Variants in GRAMD1B observed in about 807,000 individuals in gnomAD.
GRAMD1B encodes the protein GRAM domain containing 1B, also known as protein Aster-B.
GRAMD1B carries 37 observed loss-of-function variants against 99.7 expected under a neutral mutation model. The observed-to-expected ratio is 0.37, with a 90% confidence interval of 0.29 to 0.49. GRAMD1B has a LOEUF of 0.49. GRAMD1B is among the 20% of genes least tolerant of loss of function. The pLI is 0.98. For missense variants in GRAMD1B, 888 were observed against 1,009.2 expected, an observed-to-expected ratio of 0.88 and a Z score of 1.63; for synonymous variants, 427 against 387.6, an observed-to-expected ratio of 1.10 and a Z score of -1.19.
chr11:123,496,040 A>G (rs1319773271), intron 2 of GRAMD1B, among the ~76,000 whole-genome samples: 1 of 152,140 alleles, frequency 6.6e-6, no homozygotes, highest in Admixed American at 6.5e-5. Context: ...TCTGTGTACT[A>G]TTACATGTGA....
chr11:123,614,752 A>G lies in GRAMD1B; in HGVS notation c.2235A>G (p.Thr745=), dbSNP rs1328425764. 1.2e-6 allele frequency: 2 copies of G among 1,608,558 alleles called. No homozygotes were observed. Among genetic ancestry groups the G allele is most frequent in the South Asian group, 1.1e-5 (1 of 90,874 alleles). ...GHRIKHVAGS[T]QTRHIPEDTP... is the part of the protein sequence containing the mutation. ...CTTTAATTCTCCCCACAGGTTCCACACAGACGCGGCATATCCCGGAGGACA... is the reference window on the plus strand; with the variant it reads ...CTTTAATTCTCCCCACAGGTTCCACGCAGACGCGGCATATCCCGGAGGACA... Residue 745 remains threonine, a synonymous_variant, in exon 17 of 20, where the codon ACA becomes ACG. Coordinates refer to ENST00000635736, the MANE Select transcript of GRAMD1B (RefSeq NM_001387025.1).
rs562035724 is a variant in GRAMD1B at position 123,496,169 on chromosome 11, T to C, written c.452+15276T>C. 5.3e-5 allele frequency among the ~76,000 whole-genome samples: 8 copies of C among 152,326 alleles called. No individual in the cohort carries two copies. In the South Asian group the frequency reaches 1.5e-3, roughly 28 times the overall value. ...GGAGTTGATGAAATCCCTCAGCTTTTGTTTGTCTGGGAAGGTCTTTATTTC... is the reference window on the plus strand; with the variant it reads ...GGAGTTGATGAAATCCCTCAGCTTTCGTTTGTCTGGGAAGGTCTTTATTTC... On this transcript the variant is annotated intron_variant, in intron 2 of 19. Coordinates refer to ENST00000635736, the MANE Select transcript of GRAMD1B (RefSeq NM_001387025.1).
chr11:123,555,302 G>T (rs935069624), intron 2 of GRAMD1B, among the ~76,000 whole-genome samples: 3 of 152,150 alleles, frequency 2.0e-5, no homozygotes, highest in Admixed American at 1.3e-4. Flanking sequence ...TTGCCTTGTA[G>T]ATGTTTATTT....
rs114068472 is a variant in GRAMD1B, at chr11:123,448,775, C to T, written c.374+17609C>T. On this transcript the variant is annotated intron_variant, in intron 1 of 19. Coordinates refer to ENST00000635736, the MANE Select transcript of GRAMD1B (RefSeq NM_001387025.1). The stretch of plus-strand genomic sequence containing the variant: ...TGGGGCTTGGTACTTTTTGTTTTCA[C>T]GAGGCTTCTCTCCCTCCAAGCAAAT... Among the ~76,000 whole-genome samples, 343 of 152,294 alleles carry T rather than the reference C, an allele frequency of 2.3e-3. 2 individuals carry two copies. Among genetic ancestry groups the T allele is most frequent in the African/African-American group, 7.5e-3 (312 of 41,566 alleles).
chr11:123,430,544 CCCGGGTGGCCTCG>C lies in GRAMD1B; in HGVS notation c.-244_-232del, dbSNP rs1184217452. The C allele has an allele frequency of 2.2e-6, 1 of 449,212 alleles. No homozygotes were observed. Among genetic ancestry groups the C allele is most frequent in the African/African-American group, 2.1e-5 (1 of 48,628 alleles). The allele number at this position is 449,212 out of a possible 1,614,324, so 27.8% of individuals were successfully genotyped here. On this transcript the variant is annotated 5_prime_UTR_variant, in exon 1 of 20. Coordinates refer to ENST00000635736, the MANE Select transcript of GRAMD1B (RefSeq NM_001387025.1). ...TGGCTGGCAGGCGGCTCCCGCCCCTCCCGGGTGGCCTCGCCGGCGGCTGACGGCCCGGAGGACG... is the reference window on the plus strand; with the variant it reads ...TGGCTGGCAGGCGGCTCCCGCCCCTCCCGGCGGCTGACGGCCCGGAGGACG...
At chr11:123,589,980 C>T (rs1043658078) in intron 4 of GRAMD1B, among the ~76,000 whole-genome samples, 2 of 152,156 alleles carry the variant, frequency 1.3e-5, no homozygotes, top group Admixed American at 1.3e-4. Context: ...CACATCTTCC[C>T]CACCCCACTG....
At chr11:123,466,943 T>C (rs1031816358) in intron 1 of GRAMD1B, among the ~76,000 whole-genome samples, 2 of 152,208 alleles carry the variant, frequency 1.3e-5, no homozygotes, top group African/African-American at 4.8e-5. Context: ...CTCCTTTACC[T>C]AAGAGCAAGT....
At chr11:123,474,742 GA>G (rs1209249298) in intron 1 of GRAMD1B, among the ~76,000 whole-genome samples, 1 of 119,502 alleles carries the variant, frequency 8.4e-6, no homozygotes, top group African/African-American at 3.2e-5. Flanking sequence ...AAGACACAAA[GA>G]CATCTATAAC....
chr11:123,581,427 C>T (rs1949343148), intron 3 of GRAMD1B, among the ~76,000 whole-genome samples: 1 of 152,244 alleles, frequency 6.6e-6, no homozygotes, highest in Non-Finnish European at 1.5e-5. Flanking sequence ...GACTTCCCTG[C>T]CCCTGTGGGT....
chr11:123,550,329 T>A (rs920082161), intron 2 of GRAMD1B, among the ~76,000 whole-genome samples: 1 of 151,906 alleles, frequency 6.6e-6, no homozygotes, highest in Non-Finnish European at 1.5e-5. Context: ...TGCCTTGACT[T>A]CTTTGGTTTC....
chr11:123,498,327 A>T, intron 2 of GRAMD1B, among the ~76,000 whole-genome samples: 1 of 152,172 alleles, frequency 6.6e-6, no homozygotes, highest in East Asian at 1.9e-4. Context: ...TAGCCACCAC[A>T]GCTGGGTTCA....
intron 1 of GRAMD1B, among the ~76,000 whole-genome samples, chr11:123,471,989 T>C (rs754400718): frequency 6.6e-6 from 1 of 152,136 alleles, no homozygotes; most frequent in Non-Finnish European, 1.5e-5. Flanking sequence ...AAACTAACGC[T>C]GGGTGTGGTG....
At position 123,623,439 on chromosome 11, in the gene GRAMD1B, G is replaced by A. The variant is rs1293838708; in HGVS notation, c.*844G>A. 1 of 152,174 alleles carries A rather than the reference G, an allele frequency of 6.6e-6. No individual in the cohort carries two copies. Among genetic ancestry groups the A allele is most frequent in the Non-Finnish European group, 1.5e-5 (1 of 68,054 alleles). 9.4% of individuals were successfully genotyped at this position (152,174 alleles called of 1,614,324 possible). A position where few individuals can be genotyped will look rare whatever the true frequency, so the allele number is the denominator to read the frequency against. ...AGCACATTGTTTATTAGCCAGGGTG[G>A]AGCGTTTTCGACCTTATTAAACCTC... On this transcript the variant is annotated 3_prime_UTR_variant, in exon 20 of 20. Transcript: ENST00000635736.
intron 8 of GRAMD1B, 40 bp from the exon 9 acceptor site, chr11:123,603,386 T>G (rs1952241965): frequency 1.6e-6 from 2 of 1,273,470 alleles, no homozygotes; most frequent in East Asian, 2.3e-5. Context: ...TCGGGGGACC[T>G]GAGGGAGCAA....
Position 123,608,776 on chromosome 11 carries a change from A to G in GRAMD1B, c.1631A>G (p.Asp544Gly), listed in dbSNP as rs1953101439. Residue 544 changes from aspartate (D) to glycine (G), a missense_variant, in exon 12 of 20, where the codon GAT (aspartate) becomes GGT (glycine). Around this residue, in one of 5 missense-constraint regions of GRAMD1B, gnomAD observed 269 missense variants for 296.6 expected, o/e 0.91. Coordinates refer to ENST00000635736, the MANE Select transcript of GRAMD1B (RefSeq NM_001387025.1). ...LLFTNSPFQR[D>G]FMEQRRFSDI... ...TTCACCAACTCGCCCTTCCAGCGGGATTTCATGGAGCAGCGGCGCTTCTCT... is the reference window on the plus strand; with the variant it reads ...TTCACCAACTCGCCCTTCCAGCGGGGTTTCATGGAGCAGCGGCGCTTCTCT... 2 of 1,551,140 alleles carry G rather than the reference A, an allele frequency of 1.3e-6. No individual in the cohort carries two copies. Among genetic ancestry groups the G allele is most frequent in the African/African-American group, 1.4e-5 (1 of 72,956 alleles).
At chr11:123,361,832 G>C (rs895477938) in intron 1 of GRAMD1B, among the ~76,000 whole-genome samples, 33 of 152,172 alleles carry the variant, frequency 2.2e-4, no homozygotes, top group African/African-American at 8.0e-4. Flanking sequence ...TAACAGGCAG[G>C]AGGAGTGGCA....
chr11:123,614,286 C>G (rs1348445239), intron 16 of GRAMD1B, among the ~76,000 whole-genome samples: 3 of 152,068 alleles, frequency 2.0e-5, no homozygotes, highest in Non-Finnish European at 4.4e-5. Flanking sequence ...TAGCTTTACC[C>G]CTAGCACTTC....
chr11:123,522,885 A>G (rs951956854), intron 2 of GRAMD1B, among the ~76,000 whole-genome samples: 2 of 152,212 alleles, frequency 1.3e-5, no homozygotes, highest in Admixed American at 1.3e-4. Context: ...TCTTGGGAAC[A>G]TGTAAGCTTT....
chr11:123,577,157 C>G (rs1948799446), intron 2 of GRAMD1B, among the ~76,000 whole-genome samples: 1 of 152,374 alleles, frequency 6.6e-6, no homozygotes, highest in African/African-American at 2.4e-5. Flanking sequence ...TCTGTGTCCA[C>G]ATGGGCACTG....
Sources: allele counts gnomAD v4.1 joint callset (sites outside exome capture counted in the v4.1 genomes callset), GRCh38; gene constraint gnomAD v4.1.1; regional missense constraint gnomAD v4.1.1; transcripts MANE v1.5; gene names NCBI Gene and HGNC (gene_info 2026-07-23, HGNC 2026-07-21).